The following MAP3K4 variants were observed in gnomAD, a reference collection of about 807,000 sequenced individuals.
The protein encoded by MAP3K4 is MAP three kinase 1.
In MAP3K4, 67 loss-of-function variants were observed where a neutral mutation model predicts 185.6. That is an observed-to-expected ratio of 0.36 (90% CI 0.30 to 0.44). The LOEUF (loss-of-function observed/expected upper bound fraction) is 0.44, where lower values mean the gene tolerates loss of function less well. Ranked by LOEUF, MAP3K4 falls within the 20% of genes least tolerant of loss-of-function variation. The pLI is 1.00. For missense variants in MAP3K4, 1,551 were observed against 1,995.1 expected (o/e 0.78, Z 4.24); for synonymous variants, 702 against 710.4 (o/e 0.99, Z 0.19).
intron 5 of MAP3K4, among the ~76,000 whole-genome samples, chr6:161,078,257 C>T (rs1785271943): frequency 6.6e-6 from 1 of 152,140 alleles, no homozygotes; most frequent in Admixed American, 6.5e-5. Flanking sequence ...GACTAGTCCC[C>T]CCAGCTCCTT....
At chr6:160,999,588 G>C (rs370204484) in intron 1 of MAP3K4, among the ~76,000 whole-genome samples, 1 of 152,148 alleles carries the variant, frequency 6.6e-6, no homozygotes, top group Non-Finnish European at 1.5e-5. Context: ...TGGGCTGTGC[G>C]TCTCGTTTTA....
chr6:161,005,119 A>C (rs1781517341), intron 1 of MAP3K4, among the ~76,000 whole-genome samples: 2 of 151,988 alleles, frequency 1.3e-5, no homozygotes, highest in Admixed American at 1.3e-4. Context: ...TAATGGACTC[A>C]AGACACAAAA....
chr6:161,014,389 T>A (rs985872769), intron 1 of MAP3K4, among the ~76,000 whole-genome samples: 1 of 152,226 alleles, frequency 6.6e-6, no homozygotes, highest in Non-Finnish European at 1.5e-5. Flanking sequence ...GTAGGTTTGC[T>A]TTCCTTTCAA....
In MAP3K4 at chr6:161,007,749, T is replaced by C. The variant is rs1583099608; in HGVS notation, c.152+15666T>C. 6.6e-6 allele frequency among the ~76,000 whole-genome samples: 1 copy of C among 152,230 alleles called. No individual in the cohort carries two copies. ...TGTTTCTAGTAAGGTCATGCTTATT[T>C]AACTTATAGATATTGAGCTTTTAGA... On this transcript the variant is annotated intron_variant, in intron 1 of 26. Coordinates refer to ENST00000392142, the MANE Select transcript of MAP3K4 (RefSeq NM_005922.4). The surrounding 1 kb of genome is among the most constrained non-coding windows in gnomAD (Gnocchi z 4.5).
In MAP3K4 at chr6:161,100,436, T is replaced by C. The variant is rs1777788362; in HGVS notation, c.3675-1456T>C. Among the ~76,000 whole-genome samples, 1 of 152,232 alleles carries C rather than the reference T, an allele frequency of 6.6e-6. No homozygotes were observed. The highest frequency in any genetic ancestry group is 1.5e-5 in the Non-Finnish European group (1 of 68,040). On this transcript the variant is annotated intron_variant, in intron 17 of 26. Transcript: ENST00000392142. This position sits in a 1 kb window ranked among gnomAD's most constrained non-coding sequence, Gnocchi z 5.8. ...AATTGATTTTACTTGACCTAGGAAA[T>C]ATCTGTTCTGGGCTTAAGTTATCTT...
Position 161,096,952 on chromosome 6 carries a change from A to G in MAP3K4, c.3428-128A>G, listed in dbSNP as rs1253448966. 1.3e-5 allele frequency: 8 copies of G among 618,546 alleles called. No homozygotes were observed. Among genetic ancestry groups the G allele is most frequent in the Non-Finnish European group, 2.3e-5 (8 of 346,646 alleles). The allele number at this position is 618,546 out of a possible 1,614,324, so 38.3% of individuals were successfully genotyped here. On this transcript the variant is annotated intron_variant, in intron 15 of 26. Coordinates refer to ENST00000392142, the MANE Select transcript of MAP3K4 (RefSeq NM_005922.4). The surrounding 1 kb of genome is among the most constrained non-coding windows in gnomAD (Gnocchi z 4.9). ...GTATATGTAATATTATTTTTTACTTATATAAATGGACTTACCTTGGTCATT... is the reference window on the plus strand; with the variant it reads ...GTATATGTAATATTATTTTTTACTTGTATAAATGGACTTACCTTGGTCATT...
rs1041384331 is a variant in MAP3K4, at chr6:161,007,140, G to A, written c.152+15057G>A. Reference sequence around the variant, plus strand: ...TGTTGTGTCCCCAGGTCACAGACCAGAAACAAGGCACAGGGGAACCCAGAG... The same window carrying A: ...TGTTGTGTCCCCAGGTCACAGACCAAAAACAAGGCACAGGGGAACCCAGAG... On this transcript the variant is annotated intron_variant, in intron 1 of 26. Coordinates refer to ENST00000392142, the MANE Select transcript of MAP3K4 (RefSeq NM_005922.4). The surrounding 1 kb of genome is among the most constrained non-coding windows in gnomAD (Gnocchi z 4.5). Among the ~76,000 whole-genome samples, 2 of 152,228 alleles carry A rather than the reference G, an allele frequency of 1.3e-5. No individual in the cohort carries two copies. The highest frequency in any genetic ancestry group is 4.8e-5 in the African/African-American group (2 of 41,462).
Position 161,077,902 on chromosome 6 carries a change from C to T in MAP3K4, c.2098-2979C>T, listed in dbSNP as rs578124896. ...ATATATATGTATTAATATGTATATA[C>T]GAGAAAAGGGTGAGGTTCCTCAGAC... On this transcript the variant is annotated intron_variant, in intron 5 of 26. Coordinates refer to ENST00000392142, the MANE Select transcript of MAP3K4 (RefSeq NM_005922.4). This position sits in a 1 kb window ranked among gnomAD's most constrained non-coding sequence, Gnocchi z 4.3. Among the ~76,000 whole-genome samples the T allele has an allele frequency of 2.6e-5, 4 of 152,028 alleles. No individual in the cohort carries two copies. The highest frequency in any genetic ancestry group is 2.1e-4 in the South Asian group (1 of 4,818).
intron 15 of MAP3K4, among the ~76,000 whole-genome samples, chr6:161,094,358 G>A (rs1347179955): frequency 6.6e-6 from 1 of 152,166 alleles, no homozygotes; most frequent in Non-Finnish European, 1.5e-5. Context: ...ATCAAGTTAA[G>A]TTATGCTGCT....
At position 161,084,405 on chromosome 6, in the gene MAP3K4, A is replaced by G; in HGVS notation, c.2256-96A>G. On this transcript the variant is annotated intron_variant, in intron 6 of 26. Coordinates refer to ENST00000392142, the MANE Select transcript of MAP3K4 (RefSeq NM_005922.4). This position sits in a 1 kb window ranked among gnomAD's most constrained non-coding sequence, Gnocchi z 4.6. ...TCATTTTTGATTTTTAAACCATTAG[A>G]GCAGTAGCTGAGCCTTTCAAGTTTC... 4 of 690,342 alleles carry G rather than the reference A, an allele frequency of 5.8e-6. No individual in the cohort carries two copies. The East Asian group carries it at 1.0e-4, about 17-fold the overall frequency. The allele number at this position is 690,342 out of a possible 1,614,324, so 42.8% of individuals were successfully genotyped here.
intron 1 of MAP3K4, among the ~76,000 whole-genome samples, chr6:161,024,887 A>G (rs1782567499): frequency 6.6e-6 from 1 of 152,124 alleles, no homozygotes; most frequent in African/African-American, 2.4e-5. Flanking sequence ...TATGTAAATT[A>G]TTTGGATTTT....
intron 1 of MAP3K4, among the ~76,000 whole-genome samples, chr6:160,992,670 G>T (rs1780788270): frequency 6.6e-6 from 1 of 152,098 alleles, no homozygotes; most frequent in African/African-American, 2.4e-5. Context: ...TGCTAGTATT[G>T]TGCAGATTGT....
chr6:161,068,006 G>A (rs1185703650), intron 3 of MAP3K4, among the ~76,000 whole-genome samples: 7 of 152,198 alleles, frequency 4.6e-5, no homozygotes, highest in Admixed American at 4.6e-4. Context: ...TTTAGTGTTA[G>A]ATTGTTAATA....
rs1346372843 is a variant in MAP3K4, at chr6:161,054,350, TCA to T, written c.1707+4373_1707+4374del. Among the ~76,000 whole-genome samples, 4 of 152,172 alleles carry T rather than the reference TCA, an allele frequency of 2.6e-5. No homozygotes were observed. Among genetic ancestry groups the T allele is most frequent in the African/African-American group, 7.2e-5 (3 of 41,448 alleles). On this transcript the variant is annotated intron_variant, in intron 3 of 26. Coordinates refer to ENST00000392142, the MANE Select transcript of MAP3K4 (RefSeq NM_005922.4). The surrounding 1 kb of genome is among the most constrained non-coding windows in gnomAD (Gnocchi z 4.2). ...TTGTATTTTTAGTAGAGATGGTGTT[TCA>T]CCATGTTGGTCAGGCTGGTCTCAAA... is the stretch of plus-strand genomic sequence containing the variant.
At chr6:161,095,128 A>G (rs1279970101) in intron 15 of MAP3K4, among the ~76,000 whole-genome samples, 1 of 152,114 alleles carries the variant, frequency 6.6e-6, no homozygotes, top group African/African-American at 2.4e-5. Flanking sequence ...TGCCACTCCA[A>G]ACTGCAGTGG....
rs9458095 is a variant in MAP3K4 at position 161,018,485 on chromosome 6, A to G, written c.153-15774A>G. On this transcript the variant is annotated intron_variant, in intron 1 of 26. Transcript: ENST00000392142. ...AGGATCACAGCTTAGTAGTGAGGTT[A>G]GGCTGTTTCTAGAGGAAAAGCTTCT... Among the ~76,000 whole-genome samples the G allele has an allele frequency of 7.8e-3, 1,192 of 152,310 alleles. 6 individuals carry two copies. The highest frequency in any genetic ancestry group is 0.011 in the Non-Finnish European group (726 of 68,024).
chr6:161,097,979 A>C lies in MAP3K4; in HGVS notation c.3525-299A>C, dbSNP rs1374813276. 6.6e-6 allele frequency among the ~76,000 whole-genome samples: 1 copy of C among 151,864 alleles called. No individual in the cohort carries two copies. Among genetic ancestry groups the C allele is most frequent in the Non-Finnish European group, 1.5e-5 (1 of 67,934 alleles). On this transcript the variant is annotated intron_variant, in intron 16 of 26. Coordinates refer to ENST00000392142, the MANE Select transcript of MAP3K4 (RefSeq NM_005922.4). The surrounding 1 kb of genome is among the most constrained non-coding windows in gnomAD (Gnocchi z 4.9). ...GCCGTGCCTGTAGTCCCAGCTACTC[A>C]GGAGGCTGAGGCAAGGAGGATCACT...
chr6:161,099,365 A>G, intron 17 of MAP3K4, among the ~76,000 whole-genome samples: 1 of 152,242 alleles, frequency 6.6e-6, no homozygotes, highest in East Asian at 1.9e-4. Flanking sequence ...ATTTCTACAA[A>G]TATTTGCAGT....
intron 1 of MAP3K4, among the ~76,000 whole-genome samples, chr6:161,021,682 C>G (rs1053168387): frequency 6.6e-6 from 1 of 152,156 alleles, no homozygotes; most frequent in Non-Finnish European, 1.5e-5. Flanking sequence ...GTATGTAATT[C>G]TGTGCTAACT....
Sources: allele counts gnomAD v4.1 joint callset (sites outside exome capture counted in the v4.1 genomes callset), GRCh38; gene constraint gnomAD v4.1.1; non-coding constraint Gnocchi (gnomAD v3.1); transcripts MANE v1.5; gene names NCBI Gene and HGNC (gene_info 2026-07-23, HGNC 2026-07-21).